PCSK5: variants seen among roughly 807,000 people sequenced by gnomAD.
The protein encoded by PCSK5 is proprotein convertase subtilisin/kexin type 5, also known as prohormone convertase 5.
A neutral mutation model predicts 233.2 loss-of-function variants in PCSK5; 129 were observed. The observed-to-expected ratio is 0.55, with a 90% CI of 0.48 to 0.64. The LOEUF is 0.64. PCSK5 is among the 30% of genes least tolerant of loss of function. The pLI, the probability that PCSK5 is intolerant of heterozygous loss-of-function variation, is 0.00. For missense variants in PCSK5, 2,076 were observed against 2,430.1 expected (o/e 0.85, Z 3.06); for synonymous variants, 825 against 879.2 (o/e 0.94, Z 1.09).
intron 1 of PCSK5, among the ~76,000 whole-genome samples, chr9:75,908,925 C>CTCTG (rs1822560774): frequency 2.9e-5 from 3 of 103,870 alleles, no homozygotes; most frequent in African/African-American, 1.0e-4. Context: ...CTATCTATCT[C>CTCTG]TCTATCTCTC....
intron 9 of PCSK5, among the ~76,000 whole-genome samples, chr9:76,133,479 C>T (rs1189059751): frequency 6.6e-6 from 1 of 152,016 alleles, no homozygotes; most frequent in South Asian, 2.1e-4. Flanking sequence ...TCTAATAACA[C>T]ACTATAATAA....
chr9:76,156,950 G>T, intron 10 of PCSK5, 95 bp from the exon 11 acceptor site: 1 of 763,444 alleles, frequency 1.3e-6, no homozygotes, highest in Non-Finnish European at 2.3e-6. Context: ...AGATAGCTAG[G>T]ATCCCATAGG....
intron 3 of PCSK5, among the ~76,000 whole-genome samples, chr9:76,009,092 A>G (rs1044075732): frequency 1.3e-5 from 2 of 152,156 alleles, no homozygotes; most frequent in South Asian, 2.1e-4. Flanking sequence ...ACTATTTTTC[A>G]TAGTCCGTGT....
At chr9:76,239,452 T>C (rs1826359057) in intron 23 of PCSK5, among the ~76,000 whole-genome samples, 1 of 152,052 alleles carries the variant, frequency 6.6e-6, no homozygotes, top group East Asian at 1.9e-4. Flanking sequence ...CCCAGCACTT[T>C]GGGAGGCTGA....
intron 24 of PCSK5, among the ~76,000 whole-genome samples, chr9:76,252,599 C>G (rs561676638): frequency 6.6e-6 from 1 of 152,258 alleles, no homozygotes; most frequent in South Asian, 2.1e-4. Flanking sequence ...TGGCATCCTC[C>G]CCACCACTTT....
At chr9:76,077,741 C>CT (rs1830691041) in intron 7 of PCSK5, among the ~76,000 whole-genome samples, 3 of 152,150 alleles carry the variant, frequency 2.0e-5, no homozygotes, top group Non-Finnish European at 4.4e-5. Flanking sequence ...TGGTTTTATT[C>CT]TTTTTCATGG....
chr9:76,272,180 T>C (rs371667492), intron 24 of PCSK5, among the ~76,000 whole-genome samples: 2 of 152,134 alleles, frequency 1.3e-5, no homozygotes, highest in African/African-American at 4.8e-5. Context: ...TTTGGACATA[T>C]CATTTTGGAA....
chr9:76,217,265 T>C (rs1268270685), intron 20 of PCSK5, among the ~76,000 whole-genome samples: 1 of 152,190 alleles, frequency 6.6e-6, no homozygotes, highest in Non-Finnish European at 1.5e-5. Context: ...AGAGATTAAG[T>C]ACATTATTCA....
At chr9:75,899,890 CA>C (rs1440642554) in intron 1 of PCSK5, among the ~76,000 whole-genome samples, 1 of 152,082 alleles carries the variant, frequency 6.6e-6, no homozygotes, top group African/African-American at 2.4e-5. Flanking sequence ...TGGAGAGAGC[CA>C]CCAGAAGAAA....
chr9:76,041,546 T>C (rs966731143), intron 5 of PCSK5, among the ~76,000 whole-genome samples: 8 of 152,238 alleles, frequency 5.3e-5, no homozygotes, highest in African/African-American at 1.4e-4. Flanking sequence ...TTTAAATGTA[T>C]GTAAAGAATT....
At chr9:76,314,069 T>C (rs537994401) in intron 30 of PCSK5, among the ~76,000 whole-genome samples, 1 of 152,314 alleles carries the variant, frequency 6.6e-6, no homozygotes, top group South Asian at 2.1e-4. Flanking sequence ...TTTTCAACTC[T>C]CTCTTGGATT....
chr9:76,247,208 G>A (rs867550322), intron 24 of PCSK5, among the ~76,000 whole-genome samples: 12 of 152,206 alleles, frequency 7.9e-5, no homozygotes, highest in African/African-American at 2.4e-4. Context: ...GGAAGTCAGC[G>A]GCAGGTCTGT....
chr9:75,906,248 C>CA (rs1006941999), intron 1 of PCSK5, among the ~76,000 whole-genome samples: 1 of 151,838 alleles, frequency 6.6e-6, no homozygotes, highest in Non-Finnish European at 1.5e-5. Flanking sequence ...TTTTTTGAGA[C>CA]AGAGTCTCCC....
chr9:76,163,092 T>C (rs746527720), intron 12 of PCSK5, among the ~76,000 whole-genome samples: 4 of 152,242 alleles, frequency 2.6e-5, no homozygotes, highest in African/African-American at 7.2e-5. Flanking sequence ...CTTTTCAGTA[T>C]TGACAAAATA....
chr9:76,257,779 G>A (rs183829406), intron 24 of PCSK5, among the ~76,000 whole-genome samples: 175 of 152,280 alleles, frequency 1.1e-3, no homozygotes, highest in Non-Finnish European at 2.0e-3. Flanking sequence ...GGGTATCCAG[G>A]CTGACCTCTC....
intron 7 of PCSK5, 94 bp downstream of exon 7, chr9:76,071,992 T>C (rs1357800036): frequency 8.1e-7 from 1 of 1,228,856 alleles, no homozygotes; most frequent in African/African-American, 1.5e-5. Context: ...TCTAGAGAAC[T>C]GGATGGAGCT....
intron 3 of PCSK5, among the ~76,000 whole-genome samples, chr9:75,988,564 A>G (rs1826627941): frequency 1.3e-5 from 2 of 152,108 alleles, no homozygotes; most frequent in South Asian, 4.1e-4. Flanking sequence ...CCACAGGTGC[A>G]TGCCACCGTG....
At chr9:75,990,760 A>G (rs1423908491) in intron 3 of PCSK5, among the ~76,000 whole-genome samples, 2 of 152,174 alleles carry the variant, frequency 1.3e-5, no homozygotes, top group African/African-American at 4.8e-5. Context: ...CTCCCTGGAC[A>G]TTGGCCTGTA....
Position 76,239,010 on chromosome 9 carries a change from G to T in PCSK5, c.2918G>T (p.Cys973Phe). 6.2e-7 allele frequency: 1 copy of T among 1,612,200 alleles called. No individual in the cohort carries two copies. The change falls in exon 23 of 38, where the codon TGC (cysteine) becomes TTC (phenylalanine). Residue 973 changes from cysteine to phenylalanine, a missense_variant. Cys to Phe is a radical substitution (Grantham distance 205, BLOSUM62 -2). Around this residue, in one of 6 missense-constraint regions of PCSK5, gnomAD observed 1,510 missense variants for 1,538.1 expected, o/e 0.98. Coordinates refer to ENST00000674117, the MANE Select transcript of PCSK5 (RefSeq NM_001372043.1). ...TACCAGGGAGAGTGTGGAGATAGCT[G>T]CCCAGAGGGCCACTATGCCACTGAG... Reference protein sequence around the residue: ...FLYQGECGDSCPEGHYATEGN... With the variant: ...FLYQGECGDSFPEGHYATEGN...
Sources: allele counts gnomAD v4.1 joint callset (sites outside exome capture counted in the v4.1 genomes callset), GRCh38; gene constraint gnomAD v4.1.1; regional missense constraint gnomAD v4.1.1; transcripts MANE v1.5; gene names NCBI Gene and HGNC (gene_info 2026-07-23, HGNC 2026-07-21).